SPMIP4: variants seen among roughly 807,000 people sequenced by gnomAD.
SPMIP4 encodes sperm microtubule inner protein 4.
chr7:25,132,086 G>C, the SPMIP4 span, among the ~76,000 whole-genome samples: 595 of 152,298 alleles, frequency 3.9e-3, 4 homozygotes, highest in African/African-American at 0.014. This position sits in a 1 kb window ranked among gnomAD's most constrained non-coding sequence, Gnocchi z 5.0. Context: ...TACACAGGGA[G>C]GGGACCCAAA....
chr7:25,177,692 G>C, the SPMIP4 span, among the ~76,000 whole-genome samples: 1 of 152,162 alleles, frequency 6.6e-6, no homozygotes, highest in East Asian at 1.9e-4. Context: ...GATAACAGTA[G>C]TACTTATAGG....
chr7:25,156,057 GT>G, the SPMIP4 span, among the ~76,000 whole-genome samples: 3 of 152,220 alleles, frequency 2.0e-5, no homozygotes, highest in African/African-American at 7.2e-5. Context: ...GATATACTTA[GT>G]TAAGACCGAG....
At chr7:25,136,248 G>A in the SPMIP4 span, 2 of 1,614,126 alleles carry the variant, frequency 1.2e-6, no homozygotes, top group East Asian at 4.5e-5. This position sits in a 1 kb window ranked among gnomAD's most constrained non-coding sequence, Gnocchi z 5.7. Context: ...GTTCTAAAGT[G>A]AAAGCTTCCG....
At chr7:25,179,264 T>G in the SPMIP4 span, 2 of 1,613,786 alleles carry the variant, frequency 1.2e-6, no homozygotes, top group African/African-American at 2.7e-5. Context: ...TGTCAGCTCC[T>G]TCAAGCTCCC....
chr7:25,130,426 C>T, the SPMIP4 span, among the ~76,000 whole-genome samples: 2 of 150,900 alleles, frequency 1.3e-5, no homozygotes, highest in Non-Finnish European at 2.9e-5. Flanking sequence ...GATTCTCCTG[C>T]CTCAGCCTCT....
the SPMIP4 span, among the ~76,000 whole-genome samples, chr7:25,146,478 G>A: frequency 6.6e-6 from 1 of 152,156 alleles, no homozygotes; most frequent in Non-Finnish European, 1.5e-5. Context: ...TTCTAAAGGA[G>A]GTCCCTGCAT....
At chr7:25,131,099 T>C in the SPMIP4 span, among the ~76,000 whole-genome samples, 1 of 152,224 alleles carries the variant, frequency 6.6e-6, no homozygotes, top group Non-Finnish European at 1.5e-5. This position sits in a 1 kb window ranked among gnomAD's most constrained non-coding sequence, Gnocchi z 4.2. Flanking sequence ...CCATCTCCTG[T>C]CAGATCAATG....
At chr7:25,149,993 C>T in the SPMIP4 span, among the ~76,000 whole-genome samples, 6,056 of 152,172 alleles carry the variant, frequency 0.04, 162 homozygotes, top group Non-Finnish European at 0.06. Context: ...TTGAGCTGAG[C>T]CTTGAATTAG....
At chr7:25,131,790 G>C in the SPMIP4 span, among the ~76,000 whole-genome samples, 1 of 152,244 alleles carries the variant, frequency 6.6e-6, no homozygotes, top group Non-Finnish European at 1.5e-5. The surrounding 1 kb of genome is among the most constrained non-coding windows in gnomAD (Gnocchi z 4.2). Context: ...CCAGTGACTA[G>C]TGTTCAGCTC....
the SPMIP4 span, chr7:25,168,252 T>C: frequency 3.8e-6 from 6 of 1,568,480 alleles, no homozygotes; most frequent in Admixed American, 4.3e-5. Flanking sequence ...AAATGGATAA[T>C]AAAGACCTTT....
the SPMIP4 span, among the ~76,000 whole-genome samples, chr7:25,139,514 A>G: frequency 0.27 from 40,730 of 152,032 alleles, 6,536 homozygotes; most frequent in African/African-American, 0.46. Flanking sequence ...CAGCAGAGAT[A>G]ATACAAATGA....
the SPMIP4 span, chr7:25,135,826 T>A: frequency 3.6e-6 from 5 of 1,379,590 alleles, no homozygotes; most frequent in African/African-American, 7.3e-5. Context: ...AACCAGATAC[T>A]AACTTAAATT....
the SPMIP4 span, among the ~76,000 whole-genome samples, chr7:25,151,969 C>T: frequency 2.6e-5 from 4 of 152,178 alleles, no homozygotes; most frequent in South Asian, 2.1e-4. Flanking sequence ...GCAGGGCAGG[C>T]CACCACACTT....
chr7:25,176,185 G>A, the SPMIP4 span, among the ~76,000 whole-genome samples: 1 of 152,192 alleles, frequency 6.6e-6, no homozygotes, highest in Non-Finnish European at 1.5e-5. This position sits in a 1 kb window ranked among gnomAD's most constrained non-coding sequence, Gnocchi z 4.4. Flanking sequence ...GGGTTTTGGA[G>A]CTGATCACTA....
the SPMIP4 span, chr7:25,142,278 G>A: frequency 6.2e-7 from 1 of 1,613,346 alleles, no homozygotes; most frequent in Non-Finnish European, 8.5e-7. Flanking sequence ...TGTTAACTCT[G>A]CTACCATCTT....
the SPMIP4 span, among the ~76,000 whole-genome samples, chr7:25,127,606 TTTG>T: frequency 1.3e-5 from 2 of 152,262 alleles, no homozygotes; most frequent in Non-Finnish European, 2.9e-5. Flanking sequence ...TATCTTGAAT[TTTG>T]TTGAGCTTCC....
the SPMIP4 span, among the ~76,000 whole-genome samples, chr7:25,174,903 CAA>C: frequency 6.6e-6 from 1 of 152,118 alleles, no homozygotes; most frequent in East Asian, 1.9e-4. The surrounding 1 kb of genome is among the most constrained non-coding windows in gnomAD (Gnocchi z 4.5). Flanking sequence ...GGAGATCAAG[CAA>C]GTTTATATAA....
the SPMIP4 span, among the ~76,000 whole-genome samples, chr7:25,137,960 T>TG: frequency 6.6e-6 from 1 of 152,232 alleles, no homozygotes; most frequent in Non-Finnish European, 1.5e-5. Context: ...TAAAACCACT[T>TG]GGGTCTAGAC....
chr7:25,172,677 C>T, the SPMIP4 span, among the ~76,000 whole-genome samples: 5 of 152,276 alleles, frequency 3.3e-5, no homozygotes, highest in African/African-American at 1.2e-4. The surrounding 1 kb of genome is among the most constrained non-coding windows in gnomAD (Gnocchi z 4.2). Flanking sequence ...CAAATGCTAT[C>T]CCTATCCTTG....
Sources: allele counts gnomAD v4.1 joint callset (sites outside exome capture counted in the v4.1 genomes callset), GRCh38; gene constraint gnomAD v4.1.1; non-coding constraint Gnocchi (gnomAD v3.1); transcripts MANE v1.5; gene names NCBI Gene and HGNC (gene_info 2026-07-23, HGNC 2026-07-21).